The following FMO3 variants were observed in gnomAD, a reference collection of about 807,000 sequenced individuals.
FMO3 encodes the protein flavin-containing monooxygenase 3.
Under a neutral mutation model 39.4 loss-of-function variants are expected in FMO3, and 40 were observed. That is an observed-to-expected ratio of 1.02 (90% CI 0.79 to 1.32). FMO3 has a LOEUF of 1.32. Among genes scored for constraint, FMO3 ranks in the 40% most tolerant of loss-of-function variants. The pLI is 0.00. For missense variants in FMO3, 680 were observed against 651.8 expected, an observed-to-expected ratio of 1.04 and a Z score of -0.47; for synonymous variants, 219 against 228.8, an observed-to-expected ratio of 0.96 and a Z score of 0.39.
At chr1:171,104,077 A>G (rs1442605528) in intron 3 of FMO3, 104 bp downstream of exon 3, 2 of 855,192 alleles carry the variant, frequency 2.3e-6, no homozygotes, top group Non-Finnish European at 3.8e-6. Context: ...CTAATTTGTC[A>G]ACATTTTTAA....
In FMO3 at chr1:171,092,723, T is replaced by A. The variant is rs773521391; in HGVS notation, c.65T>A (p.Leu22Gln). ...VSGLASIRSC[L>Q]EEGLEPTCFE... The stretch of plus-strand genomic sequence containing the variant: ...GGCTTGGCCTCCATCAGGAGCTGTC[T>A]GGAAGAGGGGCTGGAGCCCACCTGC... Residue 22 changes from leucine to glutamine, a missense_variant, in exon 2 of 9, where the codon CTG becomes CAG. Leu to Gln is a moderately radical substitution (Grantham distance 113). Coordinates refer to ENST00000367755, the MANE Select transcript of FMO3 (RefSeq NM_001002294.3). 1.9e-6 allele frequency: 3 copies of A among 1,614,136 alleles called. No individual in the cohort carries two copies. The South Asian group carries it at 3.3e-5, about 18-fold the overall frequency.
intron 6 of FMO3, among the ~76,000 whole-genome samples, chr1:171,111,787 C>T (rs1655924888): frequency 6.6e-6 from 1 of 152,192 alleles, no homozygotes; most frequent in South Asian, 2.1e-4. Context: ...ATGCCACATC[C>T]TGTGTTTAGC....
At position 171,117,565 on chromosome 1, in the gene FMO3, A is replaced by T; in HGVS notation, c.*123A>T. The T allele has an allele frequency of 1.4e-6, 1 of 702,984 alleles. No individual in the cohort carries two copies. Among genetic ancestry groups the T allele is most frequent in the East Asian group, 2.7e-5 (1 of 37,360 alleles). The allele number at this position is 702,984 out of a possible 1,614,324, so 43.5% of individuals were successfully genotyped here. Reference sequence around the variant, plus strand: ...TTCAGCATCTTTTGCAGTACTCTGTAGACATTAGTCAGTAATACAGTGTTA... The same window carrying T: ...TTCAGCATCTTTTGCAGTACTCTGTTGACATTAGTCAGTAATACAGTGTTA... On this transcript the variant is annotated 3_prime_UTR_variant, in exon 9 of 9. Transcript: ENST00000367755.
chr1:171,108,553 T>C (rs150151530), intron 5 of FMO3, among the ~76,000 whole-genome samples: 1 of 152,312 alleles, frequency 6.6e-6, no homozygotes, highest in Non-Finnish European at 1.5e-5. Flanking sequence ...CTTCAATCTC[T>C]CTGAGGCAGG....
intron 2 of FMO3, among the ~76,000 whole-genome samples, chr1:171,094,010 G>A (rs1398927621): frequency 2.6e-5 from 4 of 151,518 alleles, no homozygotes; most frequent in Admixed American, 1.3e-4. Context: ...TGTATTTTTA[G>A]TAGAGACAGA....
chr1:171,117,373 C>G lies in FMO3; in HGVS notation c.1530C>G (p.Phe510Leu), dbSNP rs28363595. The change falls in exon 9 of 9, where the codon TTC becomes TTG. Residue 510 changes from phenylalanine to leucine, a missense_variant. Coordinates refer to ENST00000367755, the MANE Select transcript of FMO3 (RefSeq NM_001002294.3). ...RVVGRLQKPC[F>L]FFHWLKLFAI... ...TCGGGAGACTTCAGAAGCCTTGCTT[C>G]TTTTTCCATTGGCTGAAGCTCTTTG... 3 of 1,612,742 alleles carry G rather than the reference C, an allele frequency of 1.9e-6. No individual in the cohort carries two copies. In the South Asian group the frequency reaches 3.3e-5, roughly 18 times the overall value.
intron 4 of FMO3, 68 bp from the exon 5 acceptor site, chr1:171,108,011 C>T (rs1027240303): frequency 5.8e-5 from 89 of 1,540,236 alleles, no homozygotes; most frequent in East Asian, 2.5e-4. Context: ...TTCACAAGGT[C>T]GCTTCTGTTA....
At chr1:171,110,318 C>A (rs28363562) in intron 5 of FMO3, among the ~76,000 whole-genome samples, 1 of 152,078 alleles carries the variant, frequency 6.6e-6, no homozygotes, top group African/African-American at 2.4e-5. Context: ...CTAGGGAAAA[C>A]GTGACTAGAA....
At chr1:171,095,063 T>C (rs1465939327) in intron 2 of FMO3, among the ~76,000 whole-genome samples, 1 of 152,196 alleles carries the variant, frequency 6.6e-6, no homozygotes, top group African/African-American at 2.4e-5. Flanking sequence ...GAGCATGAGA[T>C]GTTTTACCAT....
chr1:171,110,186 C>T (rs1460615223), intron 5 of FMO3, among the ~76,000 whole-genome samples: 5 of 152,184 alleles, frequency 3.3e-5, no homozygotes, highest in South Asian at 2.1e-4. Flanking sequence ...AGCGTTTGAG[C>T]GTATGGTTTT....
Position 171,113,991 on chromosome 1 carries a change from T to A in FMO3, c.828-16T>A. The A allele has an allele frequency of 2.7e-6, 4 of 1,494,484 alleles. No homozygotes were observed. Among genetic ancestry groups the A allele is most frequent in the Non-Finnish European group, 3.7e-6 (4 of 1,078,946 alleles). 92.6% of individuals were successfully genotyped at this position (1,494,484 alleles called of 1,614,324 possible). A position where few individuals can be genotyped will look rare whatever the true frequency, so the allele number is the denominator to read the frequency against. ...AAATATTACACTTCCAATAATTGTC[T>A]CTGTTTTCCATACAGAGTCCTGAGG... is the stretch of plus-strand genomic sequence containing the variant. On this transcript the variant is annotated splice_polypyrimidine_tract_variant and intron_variant, in intron 6 of 8. Transcript: ENST00000367755.
chr1:171,100,823 C>A, intron 2 of FMO3: 1 of 258,988 alleles, frequency 3.9e-6, no homozygotes, highest in Non-Finnish European at 7.8e-6. Context: ...ATATCACATC[C>A]AAATTCCTGG....
intron 3 of FMO3, 132 bp from the exon 4 acceptor site, chr1:171,107,543 G>A (rs775999503): frequency 1.8e-5 from 13 of 713,432 alleles, no homozygotes; most frequent in Non-Finnish European, 2.4e-5. Flanking sequence ...TATTCTGAGG[G>A]AATTTTAAAT....
intron 2 of FMO3, among the ~76,000 whole-genome samples, chr1:171,095,450 C>A (rs910668770): frequency 4.6e-5 from 7 of 151,906 alleles, no homozygotes; most frequent in African/African-American, 7.3e-5. Context: ...AGCCTTATTG[C>A]CTGAGTCTTA....
intron 2 of FMO3, among the ~76,000 whole-genome samples, chr1:171,096,005 TA>T (rs1654970601): frequency 1.1e-4 from 5 of 46,910 alleles, no homozygotes; most frequent in African/African-American, 1.9e-4. Flanking sequence ...TTTTATATAT[TA>T]ATATACATAT....
chr1:171,117,460 A>C lies in FMO3; in HGVS notation c.*18A>C, dbSNP rs778423685. 3.7e-5 allele frequency: 59 copies of C among 1,604,862 alleles called. No homozygotes were observed. The South Asian group carries it at 5.8e-4, about 16-fold the overall frequency. On this transcript the variant is annotated 3_prime_UTR_variant, in exon 9 of 9. Coordinates refer to ENST00000367755, the MANE Select transcript of FMO3 (RefSeq NM_001002294.3). ...TGACCTAATCATCATTTTCTCTAGG[A>C]TTTCTGAAAGTTACTGACAATACCC...
At chr1:171,096,101 A>C (rs1262997377) in intron 2 of FMO3, among the ~76,000 whole-genome samples, 1 of 47,490 alleles carries the variant, frequency 2.1e-5, no homozygotes, top group Non-Finnish European at 3.7e-5. Flanking sequence ...ATATTTTTAT[A>C]TAATTAATTA....
chr1:171,108,077 A>G lies in FMO3; in HGVS notation c.485-2A>G, dbSNP rs1316124316. The G allele has an allele frequency of 6.2e-7, 1 of 1,613,708 alleles. No homozygotes were observed. Among genetic ancestry groups the G allele is most frequent in the African/African-American group, 1.3e-5 (1 of 74,908 alleles). ...GCCATGTATTTCTCACTTTTCACTCAGGACTAAACCACTTTAAAGGCAAAT... is the reference window on the plus strand; with the variant it reads ...GCCATGTATTTCTCACTTTTCACTCGGGACTAAACCACTTTAAAGGCAAAT... On this transcript the variant is annotated splice_acceptor_variant, in intron 4 of 8. Coordinates refer to ENST00000367755, the MANE Select transcript of FMO3 (RefSeq NM_001002294.3). LOFTEE classifies it high-confidence loss of function.
At chr1:171,095,369 C>T (rs1654903725) in intron 2 of FMO3, among the ~76,000 whole-genome samples, 1 of 152,118 alleles carries the variant, frequency 6.6e-6, no homozygotes, top group Admixed American at 6.6e-5. Flanking sequence ...CATTAAATCA[C>T]TTCATGTGTT....
Sources: gnomAD v4.1 joint callset for allele counts (sites outside exome capture counted in the v4.1 genomes callset) on GRCh38, gnomAD v4.1.1 for gene constraint, MANE v1.5 for transcripts, NCBI Gene and HGNC (gene_info 2026-07-23, HGNC 2026-07-21) for gene names.